PITPNC1: variants seen among roughly 807,000 people sequenced by gnomAD.
The protein encoded by PITPNC1 is phosphatidylinositol transfer protein cytoplasmic 1, also known as cytoplasmic phosphatidylinositol transfer protein 1.
A neutral mutation model predicts 44.7 loss-of-function variants in PITPNC1; 18 were observed. The ratio of observed to expected loss-of-function variants is 0.40; its 90% CI spans 0.28 to 0.60. The LOEUF (loss-of-function observed/expected upper bound fraction) is 0.60, where lower values mean the gene tolerates loss of function less well. Among genes scored for constraint, PITPNC1 ranks in the 20% least tolerant of loss-of-function variants. The probability of loss-of-function intolerance (pLI) is 0.39; values close to 1 mark genes in which losing one functional copy is unlikely to be tolerated. For synonymous variants in PITPNC1, 141 were observed against 149.6 expected, an observed-to-expected ratio of 0.94 and a Z score of 0.42; for missense variants, 290 against 418.4, an observed-to-expected ratio of 0.69 and a Z score of 2.68.
chr17:67,561,287 C>T (rs2040903435), intron 4 of PITPNC1, among the ~76,000 whole-genome samples: 2 of 152,138 alleles, frequency 1.3e-5, no homozygotes, highest in South Asian at 4.1e-4. Context: ...GAAACCCCAC[C>T]TCTACTAAAA....
intron 1 of PITPNC1, among the ~76,000 whole-genome samples, chr17:67,512,024 G>C (rs1175708642): frequency 6.6e-6 from 1 of 152,172 alleles, no homozygotes; most frequent in African/African-American, 2.4e-5. Context: ...TCGCATTGCT[G>C]TTCTCTGCCT....
At chr17:67,503,128 A>G (rs1394352145) in intron 1 of PITPNC1, among the ~76,000 whole-genome samples, 2 of 152,142 alleles carry the variant, frequency 1.3e-5, no homozygotes, top group Non-Finnish European at 2.9e-5. Flanking sequence ...GGAGATGTCA[A>G]AGAAAACATA....
At chr17:67,440,287 A>C (rs1214180326) in intron 1 of PITPNC1, among the ~76,000 whole-genome samples, 1 of 152,170 alleles carries the variant, frequency 6.6e-6, no homozygotes, top group Non-Finnish European at 1.5e-5. Flanking sequence ...ACGCAACCTC[A>C]CTTGTCTCCT....
chr17:67,412,883 A>G (rs529117049), intron 1 of PITPNC1, among the ~76,000 whole-genome samples: 1 of 152,226 alleles, frequency 6.6e-6, no homozygotes, highest in Admixed American at 6.5e-5. Flanking sequence ...TTCTCTTTAT[A>G]CTTAACTTCC....
At chr17:67,604,716 G>C (rs1183532407) in intron 5 of PITPNC1, among the ~76,000 whole-genome samples, 1 of 152,166 alleles carries the variant, frequency 6.6e-6, no homozygotes, top group East Asian at 1.9e-4. Context: ...CCAGGAGGCG[G>C]AGGTTGCAGT....
intron 1 of PITPNC1, among the ~76,000 whole-genome samples, chr17:67,530,787 T>G (rs2040451089): frequency 6.6e-6 from 1 of 152,204 alleles, no homozygotes; most frequent in African/African-American, 2.4e-5. Context: ...CTGTATAAGG[T>G]GGCATATTGA....
At chr17:67,415,948 A>C (rs1278978644) in intron 1 of PITPNC1, among the ~76,000 whole-genome samples, 3 of 152,022 alleles carry the variant, frequency 2.0e-5, no homozygotes, top group African/African-American at 4.8e-5. Context: ...TATATTTACT[A>C]TGTGTGTAAA....
intron 5 of PITPNC1, among the ~76,000 whole-genome samples, chr17:67,607,867 T>TTA (rs1257308238): frequency 1.3e-5 from 2 of 152,042 alleles, no homozygotes; most frequent in African/African-American, 4.8e-5. Flanking sequence ...TACCTGGGAT[T>TTA]ATAGGCGCCC....
chr17:67,564,822 T>A (rs148280427), intron 4 of PITPNC1, among the ~76,000 whole-genome samples: 1 of 152,186 alleles, frequency 6.6e-6, no homozygotes, highest in Non-Finnish European at 1.5e-5. Flanking sequence ...ACTAAAATAG[T>A]AGATATTTAT....
chr17:67,439,775 G>A (rs2038986231), intron 1 of PITPNC1, among the ~76,000 whole-genome samples: 1 of 152,068 alleles, frequency 6.6e-6, no homozygotes, highest in African/African-American at 2.4e-5. Context: ...ATGCTTAAAT[G>A]TGTTCACGGA....
intron 1 of PITPNC1, among the ~76,000 whole-genome samples, chr17:67,432,812 A>G (rs1212963802): frequency 6.9e-6 from 1 of 144,000 alleles, no homozygotes; most frequent in East Asian, 2.1e-4. Context: ...TGTAGATTTC[A>G]GGTGTATGTG....
chr17:67,630,813 G>C (rs1368753634), intron 5 of PITPNC1, among the ~76,000 whole-genome samples: 4 of 151,138 alleles, frequency 2.6e-5, no homozygotes, highest in Admixed American at 2.6e-4. Context: ...CTGGGTTCAA[G>C]TGATTCTTCT....
chr17:67,449,285 C>T (rs2039143510), intron 1 of PITPNC1, among the ~76,000 whole-genome samples: 1 of 152,118 alleles, frequency 6.6e-6, no homozygotes, highest in African/African-American at 2.4e-5. Context: ...TGGAAAGGCT[C>T]AGAGTTTGGG....
At chr17:67,388,956 C>G (rs1176373772) in intron 1 of PITPNC1, among the ~76,000 whole-genome samples, 1 of 152,206 alleles carries the variant, frequency 6.6e-6, no homozygotes, top group East Asian at 1.9e-4. Context: ...CAGTGGCTTA[C>G]AATAACACCC....
chr17:67,692,377 T>C (rs2042944110), intron 8 of PITPNC1, among the ~76,000 whole-genome samples, 195 bp from the exon 9 acceptor site: 1 of 152,186 alleles, frequency 6.6e-6, no homozygotes, highest in Non-Finnish European at 1.5e-5. Context: ...CATAAAGGGA[T>C]ATTGTTTTCA....
intron 1 of PITPNC1, among the ~76,000 whole-genome samples, chr17:67,466,023 C>CA: frequency 6.6e-6 from 1 of 151,130 alleles, no homozygotes. Flanking sequence ...ATTTTAGAGA[C>CA]AGAGTCTCCC....
intron 1 of PITPNC1, among the ~76,000 whole-genome samples, chr17:67,386,282 C>T (rs1170061094): frequency 6.6e-6 from 1 of 152,312 alleles, no homozygotes; most frequent in East Asian, 1.9e-4. Context: ...ACCTCCGCCT[C>T]CCAGGTTTCA....
intron 1 of PITPNC1, among the ~76,000 whole-genome samples, chr17:67,416,476 A>G (rs1286011262): frequency 6.6e-6 from 1 of 151,892 alleles, no homozygotes; most frequent in Non-Finnish European, 1.5e-5. Context: ...TCAGCCTCCC[A>G]AAGTGCTAGG....
chr17:67,575,004 A>G (rs1390376382), intron 4 of PITPNC1, among the ~76,000 whole-genome samples: 2 of 152,120 alleles, frequency 1.3e-5, no homozygotes, highest in Non-Finnish European at 2.9e-5. Flanking sequence ...AATTGGGTTT[A>G]ATACGCAAAT....
Sources: gnomAD v4.1 joint callset for allele counts (sites outside exome capture counted in the v4.1 genomes callset) on GRCh38, gnomAD v4.1.1 for gene constraint, MANE v1.5 for transcripts, NCBI Gene and HGNC (gene_info 2026-07-23, HGNC 2026-07-21) for gene names.